Variants in ATP12A observed in about 807,000 individuals in gnomAD.
The protein encoded by ATP12A is ATPase H+/K+ transporting non-gastric alpha2 subunit.
A neutral mutation model predicts 111.2 loss-of-function variants in ATP12A; 81 were observed. That is an observed-to-expected ratio of 0.73 (90% CI 0.61 to 0.88). The LOEUF is 0.88. Among genes scored for constraint, ATP12A ranks in the 40% least tolerant of loss-of-function variants. The pLI, the probability that ATP12A is intolerant of heterozygous loss-of-function variation, is 0.00. For missense variants in ATP12A, 1,196 were observed against 1,313.1 expected, an observed-to-expected ratio of 0.91 and a Z score of 1.38; for synonymous variants, 498 against 499.8, an observed-to-expected ratio of 1.00 and a Z score of 0.05.
chr13:24,690,808 G>A (rs886400111), intron 7 of ATP12A, 87 bp downstream of exon 7: 38 of 1,453,664 alleles, frequency 2.6e-5, no homozygotes, highest in African/African-American at 8.5e-5. Context: ...GCCACACCCC[G>A]TTACAAAGCT....
chr13:24,695,538 G>T (rs993110583), intron 11 of ATP12A, among the ~76,000 whole-genome samples: 1 of 151,670 alleles, frequency 6.6e-6, no homozygotes, highest in Non-Finnish European at 1.5e-5. Context: ...TGTACGTGTG[G>T]AGATTTCTGG....
In ATP12A at chr13:24,691,920, G is replaced by T. The variant is rs138864950; in HGVS notation, c.1069-509G>T. On this transcript the variant is annotated intron_variant, in intron 8 of 22. Transcript: ENST00000381946. ...CTGACTCCAGGAGATAGTAATTTGGGGAAATTGGAGCCAAAAGAACCCTTT... is the reference window on the plus strand; with the variant it reads ...CTGACTCCAGGAGATAGTAATTTGGTGAAATTGGAGCCAAAAGAACCCTTT... 6.3e-4 allele frequency among the ~76,000 whole-genome samples: 96 copies of T among 152,268 alleles called. 1 individual carries two copies. Among genetic ancestry groups the T allele is most frequent in the African/African-American group, 2.3e-3 (94 of 41,562 alleles).
At chr13:24,709,256 G>GT in intron 17 of ATP12A, 108 bp from the exon 18 acceptor site, 1 of 584,594 alleles carries the variant, frequency 1.7e-6, no homozygotes, top group Admixed American at 3.3e-5. Flanking sequence ...CCAGCTCCAT[G>GT]CCCCCCACCC....
In ATP12A at chr13:24,708,967, A is replaced by G. The variant is rs867280117; in HGVS notation, c.2494-397A>G. On this transcript the variant is annotated intron_variant, in intron 17 of 22. Transcript: ENST00000381946. ...AAAGAAAGAAAGAAAGAAAGAAGGA[A>G]AGAGAAAGAGAAATGAATGCAAATT... Among the ~76,000 whole-genome samples, 258 of 149,984 alleles carry G rather than the reference A, an allele frequency of 1.7e-3. 8 individuals carry two copies. The highest frequency in any genetic ancestry group is 6.0e-3 in the African/African-American group (245 of 40,676).
In ATP12A at chr13:24,711,374, A is replaced by G. The variant is rs1875961470; in HGVS notation, c.3056A>G (p.Glu1019Gly). Residue 1019 changes from glutamate (E) to glycine (G), a missense_variant, in exon 22 of 23, where the codon GAG (glutamate) becomes GGG (glycine). Physicochemically the swap from Glu to Gly is moderately conservative, Grantham distance 98 (BLOSUM62 -2). Coordinates refer to ENST00000381946, the MANE Select transcript of ATP12A (RefSeq NM_001676.7). Reference sequence around the variant, plus strand: ...GCCATCCTGATCTGGGTGTATGATGAGGTGCGGAAGCTCTTCATCAGGCTC... The same window carrying G: ...GCCATCCTGATCTGGGTGTATGATGGGGTGCGGAAGCTCTTCATCAGGCTC... The part of the protein sequence containing the change: ...PHAILIWVYD[E>G]VRKLFIRLYP... The G allele has an allele frequency of 1.9e-6, 3 of 1,611,908 alleles. No individual in the cohort carries two copies. Among genetic ancestry groups the G allele is most frequent in the Non-Finnish European group, 1.7e-6 (2 of 1,179,012 alleles).
At chr13:24,709,308 C>CCCCCCCT in intron 17 of ATP12A, 56 bp from the exon 18 acceptor site, 4 of 1,318,478 alleles carry the variant, frequency 3.0e-6, no homozygotes, top group Non-Finnish European at 4.1e-6. Context: ...CCCTCCCCTA[C>CCCCCCCT]TGTGGGTAGA....
At chr13:24,686,617 T>C (rs988206628) in intron 3 of ATP12A, among the ~76,000 whole-genome samples, 5 of 151,890 alleles carry the variant, frequency 3.3e-5, no homozygotes. Flanking sequence ...CGGGCGCCTG[T>C]AGTCCCAGCT....
chr13:24,695,515 G>A (rs1389788963), intron 11 of ATP12A, among the ~76,000 whole-genome samples: 1 of 151,646 alleles, frequency 6.6e-6, no homozygotes, highest in Admixed American at 6.6e-5. Flanking sequence ...TATAGAAATG[G>A]AATAACCACA....
At chr13:24,691,318 C>G in intron 8 of ATP12A, 68 bp downstream of exon 8, 7 of 1,514,674 alleles carry the variant, frequency 4.6e-6, no homozygotes, top group Non-Finnish European at 6.2e-6. Context: ...GGGGAGGCGC[C>G]CACACAAACT....
chr13:24,699,301 C>A (rs1875297626), intron 12 of ATP12A, among the ~76,000 whole-genome samples: 1 of 152,122 alleles, frequency 6.6e-6, no homozygotes, highest in Non-Finnish European at 1.5e-5. Flanking sequence ...CAGGTTTCAT[C>A]CTGCAGTCAG....
chr13:24,706,503 C>A, intron 15 of ATP12A, 40 bp downstream of exon 15: 1 of 1,603,494 alleles, frequency 6.2e-7, no homozygotes, highest in Non-Finnish European at 8.5e-7. Context: ...ACAGGCCCAT[C>A]ACTGTCCATG....
intron 14 of ATP12A, among the ~76,000 whole-genome samples, chr13:24,702,491 G>T (rs182629029): frequency 3.3e-5 from 5 of 152,106 alleles, no homozygotes; most frequent in African/African-American, 7.2e-5. Context: ...TTATCCACCC[G>T]GTTTCATAAC....
At chr13:24,707,917 T>C (rs1001619581) in intron 17 of ATP12A, among the ~76,000 whole-genome samples, 22 of 151,918 alleles carry the variant, frequency 1.4e-4, no homozygotes, top group African/African-American at 5.3e-4. Flanking sequence ...CCCAAAGTGC[T>C]GGGATTACAG....
chr13:24,706,670 G>C (rs1367052081), intron 15 of ATP12A, among the ~76,000 whole-genome samples: 1 of 152,158 alleles, frequency 6.6e-6, no homozygotes, highest in Admixed American at 6.5e-5. Context: ...TCCCCGAAAG[G>C]CTCACCCCAG....
In ATP12A at chr13:24,709,262, C is replaced by A. The variant is rs1420756277; in HGVS notation, c.2494-102C>A. 5 of 482,576 alleles carry A rather than the reference C, an allele frequency of 1.0e-5. 1 individual carries two copies. The East Asian group carries it at 1.3e-4, about 13-fold the overall frequency. 29.9% of individuals were successfully genotyped at this position (482,576 alleles called of 1,614,324 possible). A position where few individuals can be genotyped will look rare whatever the true frequency, so the allele number is the denominator to read the frequency against. On this transcript the variant is annotated intron_variant, in intron 17 of 22. Coordinates refer to ENST00000381946, the MANE Select transcript of ATP12A (RefSeq NM_001676.7). ...CTGGATGGGCCAGCTCCATGCCCCC[C>A]ACCCCATCCAGCCAGTGCCCCACCC...
Position 24,710,559 on chromosome 13 carries a change from C to T in ATP12A, c.2863C>T (p.Arg955Trp), listed in dbSNP as rs140886846. The change falls in exon 20 of 23, where the codon CGG becomes TGG. Residue 955 changes from arginine to tryptophan, a missense_variant. Around this residue, in one of 3 missense-constraint regions of ATP12A, gnomAD observed 1,126 missense variants for 1,228.5 expected, o/e 0.92. Coordinates refer to ENST00000381946, the MANE Select transcript of ATP12A (RefSeq NM_001676.7). ...QIADLIIRKT[R>W]RNSIFQQGLF... ...AGCAGATCTGATCATCAGGAAAACC[C>T]GGAGGAATTCCATCTTCCAGCAGGG... 298 of 1,614,214 alleles carry T rather than the reference C, an allele frequency of 1.8e-4. No individual in the cohort carries two copies. The South Asian group carries it at 2.7e-3, about 15-fold the overall frequency.
chr13:24,689,222 A>T (rs1342013391), intron 4 of ATP12A, 40 bp from the exon 5 acceptor site: 1 of 1,564,674 alleles, frequency 6.4e-7, no homozygotes, highest in South Asian at 1.1e-5. Context: ...GCTGCTTCCC[A>T]CTGCTGGTTT....
intron 10 of ATP12A, among the ~76,000 whole-genome samples, chr13:24,693,933 G>A (rs1206197601): frequency 6.6e-6 from 1 of 152,192 alleles, no homozygotes; most frequent in African/African-American, 2.4e-5. Context: ...TTTCTCGAAT[G>A]CCACTAATTT....
chr13:24,691,315 C>T (rs983676904), intron 8 of ATP12A, 65 bp downstream of exon 8: 90 of 1,520,600 alleles, frequency 5.9e-5, no homozygotes, highest in East Asian at 5.2e-4. Context: ...GCTGGGGAGG[C>T]GCCCACACAA....
Sources: allele counts gnomAD v4.1 joint callset (sites outside exome capture counted in the v4.1 genomes callset), GRCh38; gene constraint gnomAD v4.1.1; regional missense constraint gnomAD v4.1.1; transcripts MANE v1.5; gene names NCBI Gene and HGNC (gene_info 2026-07-23, HGNC 2026-07-21).